The following CNTNAP2 variants were observed in gnomAD, a reference collection of about 807,000 sequenced individuals.
CNTNAP2 encodes the protein contactin associated protein 2, also known as contactin-associated protein-like 2.
A neutral mutation model predicts 155.2 loss-of-function variants in CNTNAP2; 98 were observed. That is an observed-to-expected ratio of 0.63 (90% confidence interval 0.54 to 0.75). The LOEUF is 0.75. Among genes scored for constraint, CNTNAP2 ranks in the 30% least tolerant of loss-of-function variants. The pLI is 0.00. For synonymous variants in CNTNAP2, 651 were observed against 631.2 expected (o/e 1.03, Z -0.47); for missense variants, 1,727 against 1,688.1 (o/e 1.02, Z -0.40).
rs372729678 is a variant in CNTNAP2 at position 147,307,970 on chromosome 7, T to G, written c.1498+7680T>G. On this transcript the variant is annotated intron_variant, in intron 9 of 23. Transcript: ENST00000361727. ...TTGGAAGATTACATTCTAGGCCAGATAGTAAACCAATAACATTGGTTAAAT... is the reference window on the plus strand; with the variant it reads ...TTGGAAGATTACATTCTAGGCCAGAGAGTAAACCAATAACATTGGTTAAAT... Among the ~76,000 whole-genome samples, 51 of 152,286 alleles carry G rather than the reference T, an allele frequency of 3.3e-4. No homozygotes were observed. In the East Asian group the frequency reaches 5.6e-3, roughly 17 times the overall value.
chr7:147,725,292 T>C (rs932365018), intron 13 of CNTNAP2, among the ~76,000 whole-genome samples: 8 of 152,170 alleles, frequency 5.3e-5, no homozygotes, highest in Admixed American at 5.2e-4. Context: ...TGCACTAAAA[T>C]TCAAGCCAAA....
Position 147,712,176 on chromosome 7 carries a change from CA to C in CNTNAP2, c.2098+72873del, listed in dbSNP as rs1302992951. On this transcript the variant is annotated intron_variant, in intron 13 of 23. Transcript: ENST00000361727. ...ATCATCGCTGGCCATCAGAGAAATG[CA>C]AATCAAAACCACAATGAGATACCAT... is the stretch of plus-strand genomic sequence containing the variant. Among the ~76,000 whole-genome samples, 4 of 152,086 alleles carry C rather than the reference CA, an allele frequency of 2.6e-5. No individual in the cohort carries two copies. The South Asian group carries it at 6.2e-4, about 24-fold the overall frequency.
intron 9 of CNTNAP2, among the ~76,000 whole-genome samples, chr7:147,318,190 C>T (rs1011137393): frequency 1.5e-4 from 23 of 151,982 alleles, no homozygotes; most frequent in African/African-American, 5.6e-4. Context: ...ACCTATAATC[C>T]CAGCACTTTG....
chr7:147,095,542 T>C (rs1332410928), intron 4 of CNTNAP2, among the ~76,000 whole-genome samples: 1 of 151,590 alleles, frequency 6.6e-6, no homozygotes, highest in Non-Finnish European at 1.5e-5. Flanking sequence ...TATATTTTCT[T>C]TTTAGTAAGT....
intron 20 of CNTNAP2, among the ~76,000 whole-genome samples, chr7:148,236,216 A>G (rs1035121526): frequency 6.6e-6 from 1 of 152,160 alleles, no homozygotes; most frequent in Non-Finnish European, 1.5e-5. Flanking sequence ...ATTTGCCTCC[A>G]GGCGCCCATG....
At chr7:148,372,485 A>C (rs964645449) in intron 21 of CNTNAP2, among the ~76,000 whole-genome samples, 1 of 152,144 alleles carries the variant, frequency 6.6e-6, no homozygotes, top group Non-Finnish European at 1.5e-5. Flanking sequence ...AGGAGGGTAG[A>C]CCACTTGAGG....
At chr7:146,975,564 A>G (rs1797893819) in intron 3 of CNTNAP2, among the ~76,000 whole-genome samples, 1 of 152,188 alleles carries the variant, frequency 6.6e-6, no homozygotes, top group African/African-American at 2.4e-5. Context: ...CGTGAAGTAT[A>G]GTCAGTTCGG....
chr7:147,683,951 T>C (rs1344560013), intron 13 of CNTNAP2, among the ~76,000 whole-genome samples: 1 of 151,714 alleles, frequency 6.6e-6, no homozygotes, highest in Non-Finnish European at 1.5e-5. Flanking sequence ...AAAACCTACT[T>C]TTTCATTCTT....
intron 3 of CNTNAP2, among the ~76,000 whole-genome samples, chr7:146,894,705 T>C (rs1263700025): frequency 2.0e-5 from 3 of 152,152 alleles, no homozygotes; most frequent in Non-Finnish European, 2.9e-5. Context: ...TAGTGTAAAA[T>C]GTTCTTTAAT....
At chr7:146,600,730 C>G (rs924007573) in intron 1 of CNTNAP2, among the ~76,000 whole-genome samples, 7 of 152,090 alleles carry the variant, frequency 4.6e-5, no homozygotes, top group Admixed American at 1.3e-4. Flanking sequence ...ACCCATTTGA[C>G]CTCCATGAGA....
intron 15 of CNTNAP2, among the ~76,000 whole-genome samples, chr7:148,062,008 T>TAGAGAGAGAGA (rs201856851): frequency 1.3e-5 from 1 of 78,594 alleles, no homozygotes; most frequent in African/African-American, 6.6e-5. Context: ...GATAGATAGA[T>TAGAGAGAGAGA]GATAGAGAGA....
chr7:147,447,031 G>A (rs998934655), intron 10 of CNTNAP2, among the ~76,000 whole-genome samples: 4 of 152,094 alleles, frequency 2.6e-5, no homozygotes, highest in Non-Finnish European at 4.4e-5. Flanking sequence ...CCAAGAAAAG[G>A]CATTAAAGAA....
At chr7:146,985,302 G>A (rs375047716) in intron 3 of CNTNAP2, among the ~76,000 whole-genome samples, 5,839 of 145,578 alleles carry the variant, frequency 0.04, 166 homozygotes, top group Non-Finnish European at 0.062. Context: ...TGTGGAAAAT[G>A]CTTGAATTTT....
chr7:146,219,489 C>T (rs1799172300), intron 1 of CNTNAP2, among the ~76,000 whole-genome samples: 2 of 152,088 alleles, frequency 1.3e-5, no homozygotes, highest in African/African-American at 4.8e-5. Flanking sequence ...ACCCAAATGG[C>T]TAATTATTGT....
chr7:146,308,177 A>C (rs1800750698), intron 1 of CNTNAP2, among the ~76,000 whole-genome samples: 1 of 152,232 alleles, frequency 6.6e-6, no homozygotes, highest in Admixed American at 6.5e-5. Flanking sequence ...GGATATGAAC[A>C]GACACTTCTC....
chr7:148,270,845 GT>G (rs1190801187), intron 21 of CNTNAP2, among the ~76,000 whole-genome samples: 2 of 152,212 alleles, frequency 1.3e-5, no homozygotes, highest in African/African-American at 4.8e-5. Flanking sequence ...TCTTGACCAT[GT>G]TGCTTTCTTA....
At chr7:146,542,332 T>C (rs1797965259) in intron 1 of CNTNAP2, among the ~76,000 whole-genome samples, 2 of 151,906 alleles carry the variant, frequency 1.3e-5, no homozygotes, top group African/African-American at 4.8e-5. Context: ...GTAAAACACA[T>C]AAATTATAGC....
intron 9 of CNTNAP2, among the ~76,000 whole-genome samples, chr7:147,319,749 G>T (rs1011564886): frequency 6.6e-6 from 1 of 152,060 alleles, no homozygotes; most frequent in Non-Finnish European, 1.5e-5. Context: ...TTTTAAGATA[G>T]AGGGAAAAAA....
intron 21 of CNTNAP2, among the ~76,000 whole-genome samples, chr7:148,356,317 T>C (rs1407133337): frequency 6.6e-6 from 1 of 151,588 alleles, no homozygotes; most frequent in Admixed American, 6.6e-5. Flanking sequence ...TTAAAAAAAA[T>C]CCACCATAAA....
Sources: gnomAD v4.1 joint callset for allele counts (sites outside exome capture counted in the v4.1 genomes callset) on GRCh38, gnomAD v4.1.1 for gene constraint, MANE v1.5 for transcripts, NCBI Gene and HGNC (gene_info 2026-07-23, HGNC 2026-07-21) for gene names.